Variants in FBXL20 observed in about 807,000 individuals in gnomAD.
FBXL20 encodes F-box/LRR-repeat protein 20.
A neutral mutation model predicts 64.0 loss-of-function variants in FBXL20; 11 were observed. That is an observed-to-expected ratio of 0.17 (90% CI 0.11 to 0.28). The LOEUF (loss-of-function observed/expected upper bound fraction) is 0.28, where lower values mean the gene tolerates loss of function less well. Among genes scored for constraint, FBXL20 ranks in the 10% least tolerant of loss-of-function variants. FBXL20 has a pLI of 1.00. For synonymous variants in FBXL20, 184 were observed against 189.0 expected (o/e 0.97, Z 0.22); for missense variants, 303 against 526.2 (o/e 0.58, Z 4.15).
chr17:39,367,088 T>C (rs1005953372), intron 1 of FBXL20, among the ~76,000 whole-genome samples: 1 of 151,478 alleles, frequency 6.6e-6, no homozygotes, highest in Non-Finnish European at 1.5e-5. Flanking sequence ...TTTCGGCGTG[T>C]TAGCCAGGAT....
intron 1 of FBXL20, among the ~76,000 whole-genome samples, chr17:39,353,599 C>CTTATTTATTTATTTATTTAT (rs376084578): frequency 3.6e-5 from 5 of 140,236 alleles, no homozygotes; most frequent in East Asian, 4.2e-4. Context: ...ACCACTACAC[C>CTTATTTATTTATTTATTTAT]TTATTTATTT....
At chr17:39,364,752 G>C (rs948123859) in intron 1 of FBXL20, among the ~76,000 whole-genome samples, 1 of 152,198 alleles carries the variant, frequency 6.6e-6, no homozygotes, top group Non-Finnish European at 1.5e-5. Context: ...TGAATGATGA[G>C]AGATCATGTG....
chr17:39,272,718 A>AAAAGAAAGAAAGAAAGAAAGAAAG (rs1555602652), intron 10 of FBXL20, among the ~76,000 whole-genome samples: 1 of 79,822 alleles, frequency 1.3e-5, no homozygotes, highest in African/African-American at 3.6e-5. Context: ...AAAAAAAAAA[A>AAAAGAAAGAAAGAAAGAAAGAAAG]AAAGAAAGAA....
chr17:39,328,248 CAAAAAAAAAA>C (rs141259755), intron 2 of FBXL20, among the ~76,000 whole-genome samples: 46 of 55,106 alleles, frequency 8.3e-4, no homozygotes, highest in Middle Eastern at 0.019. Flanking sequence ...AACTCTGCCT[CAAAAAAAAAA>C]AAAAAAAAAA....
At chr17:39,291,327 T>C (rs1259473504) in intron 6 of FBXL20, among the ~76,000 whole-genome samples, 2 of 152,002 alleles carry the variant, frequency 1.3e-5, no homozygotes, top group Non-Finnish European at 2.9e-5. Flanking sequence ...TTTACTTTTT[T>C]CTATTTTTTT....
intron 9 of FBXL20, among the ~76,000 whole-genome samples, chr17:39,277,299 TAA>T (rs980158776): frequency 1.3e-5 from 2 of 152,116 alleles, no homozygotes; most frequent in African/African-American, 4.8e-5. Flanking sequence ...AGCCGAGATG[TAA>T]AGAGGGAAGT....
chr17:39,305,885 G>A (rs2047177441), intron 2 of FBXL20, among the ~76,000 whole-genome samples: 1 of 151,898 alleles, frequency 6.6e-6, no homozygotes, highest in Admixed American at 6.6e-5. Context: ...TACTCGGGAG[G>A]CTGAGACAGA....
At chr17:39,264,118 AAG>A (rs1434009312) in intron 14 of FBXL20, 55 bp downstream of exon 14, 4 of 1,536,976 alleles carry the variant, frequency 2.6e-6, no homozygotes, top group African/African-American at 1.4e-5. Context: ...AGGAAAAAAA[AAG>A]AGAGAAGAAA....
At chr17:39,385,257 ACAC>A (rs970310208) in intron 1 of FBXL20, among the ~76,000 whole-genome samples, 16 of 151,906 alleles carry the variant, frequency 1.1e-4, no homozygotes, top group Admixed American at 2.6e-4. Context: ...ACACACACAC[ACAC>A]AAGCTATGAT....
chr17:39,332,560 TAA>T (rs2047472476), intron 2 of FBXL20, among the ~76,000 whole-genome samples: 1 of 123,920 alleles, frequency 8.1e-6, no homozygotes, highest in Non-Finnish European at 1.7e-5. Context: ...TTTTTTTTTT[TAA>T]GACAGAGTCT....
rs1236287804 is a variant in FBXL20, at chr17:39,348,396, G to T, written c.43-5155C>A. ...GAATCCCTTGAACCTGGGAGCGGAG[G>T]TTGCAGTGAGCCGAGATCATGCTAC... On this transcript the variant is annotated intron_variant, in intron 1 of 14. Coordinates refer to ENST00000264658, the MANE Select transcript of FBXL20 (RefSeq NM_032875.3). Among the ~76,000 whole-genome samples, 7 of 151,970 alleles carry T rather than the reference G, an allele frequency of 4.6e-5. 1 individual carries two copies. The highest frequency in any genetic ancestry group is 2.0e-4 in the Admixed American group (3 of 15,242).
intron 2 of FBXL20, among the ~76,000 whole-genome samples, chr17:39,334,046 AAAAG>A (rs1335757576): frequency 1.3e-5 from 2 of 152,328 alleles, no homozygotes; most frequent in Non-Finnish European, 1.5e-5. Context: ...AAATGTGGGG[AAAAG>A]AAAGAGAGAT....
intron 12 of FBXL20, among the ~76,000 whole-genome samples, chr17:39,267,276 CA>C (rs200173480): frequency 1.4e-5 from 2 of 147,776 alleles, no homozygotes; most frequent in African/African-American, 5.0e-5. Flanking sequence ...CAAAACAAAA[CA>C]AAAAAAAACA....
chr17:39,280,160 TGG>T (rs2046935646), intron 9 of FBXL20, among the ~76,000 whole-genome samples: 1 of 146,128 alleles, frequency 6.8e-6, no homozygotes, highest in Non-Finnish European at 1.5e-5. Context: ...CGCTTGAACC[TGG>T]GAGGCGGAGG....
At chr17:39,333,107 A>C (rs780770235) in intron 2 of FBXL20, among the ~76,000 whole-genome samples, 1 of 151,718 alleles carries the variant, frequency 6.6e-6, no homozygotes, top group Non-Finnish European at 1.5e-5. Context: ...GCTCTCTACT[A>C]TTTTAGAAGG....
chr17:39,374,540 CAAAA>C (rs796372720), intron 1 of FBXL20, among the ~76,000 whole-genome samples: 1 of 139,778 alleles, frequency 7.2e-6, no homozygotes, highest in African/African-American at 2.6e-5. Flanking sequence ...GACTCCATCT[CAAAA>C]AAAAAAAATT....
rs1439350983 is a variant in FBXL20 at position 39,281,367 on chromosome 17, A to G, written c.696+22T>C. 3 of 1,607,430 alleles carry G rather than the reference A, an allele frequency of 1.9e-6. No homozygotes were observed. The Admixed American group carries it at 5.1e-5, about 27-fold the overall frequency. ...ATGAAATGAATTACTAAAACAGAAGAGTTGTGAGAAGGGATGTTTACCAAG... is the reference window on the plus strand; with the variant it reads ...ATGAAATGAATTACTAAAACAGAAGGGTTGTGAGAAGGGATGTTTACCAAG... On this transcript the variant is annotated intron_variant, in intron 9 of 14. Coordinates refer to ENST00000264658, the MANE Select transcript of FBXL20 (RefSeq NM_032875.3).
intron 2 of FBXL20, among the ~76,000 whole-genome samples, chr17:39,339,633 A>C (rs2047562589): frequency 1.3e-5 from 2 of 150,684 alleles, no homozygotes; most frequent in South Asian, 4.2e-4. Context: ...AATTTGAATA[A>C]GGTTTGTAGA....
At chr17:39,343,359 T>A (rs1451966567) in intron 1 of FBXL20, 118 bp from the exon 2 acceptor site, 3 of 601,048 alleles carry the variant, frequency 5.0e-6, no homozygotes, top group African/African-American at 3.9e-5. Context: ...GTCGGCATCA[T>A]AAACCAAAGT....
Sources: allele counts gnomAD v4.1 joint callset (sites outside exome capture counted in the v4.1 genomes callset), GRCh38; gene constraint gnomAD v4.1.1; transcripts MANE v1.5; gene names NCBI Gene and HGNC (gene_info 2026-07-23, HGNC 2026-07-21).